ERICH1: variants seen among roughly 807,000 people sequenced by gnomAD.
ERICH1 encodes glutamate-rich protein 1.
A neutral mutation model predicts 39.6 loss-of-function variants in ERICH1; 56 were observed. The observed-to-expected ratio is 1.41, with a 90% CI of 1.14 to 1.77. The LOEUF (loss-of-function observed/expected upper bound fraction) is 1.77. Ranked by LOEUF, ERICH1 falls within the 40% of genes most tolerant of loss-of-function variation. ERICH1 has a pLI of 0.00. For missense variants in ERICH1, 826 were observed against 575.4 expected, an observed-to-expected ratio of 1.44 and a Z score of -4.45; for synonymous variants, 313 against 223.6, an observed-to-expected ratio of 1.40 and a Z score of -3.57.
At chr8:655,836 C>T (rs1302581287) in intron 3 of ERICH1, among the ~76,000 whole-genome samples, 3 of 152,088 alleles carry the variant, frequency 2.0e-5, no homozygotes, top group Non-Finnish European at 2.9e-5. Flanking sequence ...TTTTAACTCA[C>T]GACCACGTTT....
chr8:638,978 A>G (rs2117193804), intron 3 of ERICH1, among the ~76,000 whole-genome samples: 1 of 152,118 alleles, frequency 6.6e-6, no homozygotes, highest in Non-Finnish European at 1.5e-5. Context: ...TACATTTCAC[A>G]ACTGCCCCCC....
Position 648,598 on chromosome 8 carries a change from A to C in ERICH1, c.976+20000T>G, listed in dbSNP as rs182163770. Among the ~76,000 whole-genome samples, 68 of 65,956 alleles carry C rather than the reference A, an allele frequency of 1.0e-3. 30 individuals are homozygous for C. The Middle Eastern group carries it at 0.034, about 33-fold the overall frequency. 43.3% of individuals were successfully genotyped at this position (65,956 alleles called of 152,430 possible). On this transcript the variant is annotated intron_variant, in intron 3 of 3. Coordinates refer to the ERICH1 transcript ENST00000522706. ...AGCCAGGAAGGAGCCCGCTGGTTCT[A>C]CTCTTCACTCCAGCGTGCACTATGT...
intron 3 of ERICH1, among the ~76,000 whole-genome samples, chr8:629,114 G>A (rs1797765492): frequency 6.6e-6 from 1 of 152,156 alleles, no homozygotes; most frequent in African/African-American, 2.4e-5. Flanking sequence ...GCTCCTTTCT[G>A]TGAGCCCAGT....
intron 3 of ERICH1, among the ~76,000 whole-genome samples, chr8:624,250 G>A (rs1475790444): frequency 2.0e-5 from 3 of 152,198 alleles, no homozygotes; most frequent in African/African-American, 4.8e-5. Context: ...TGTAAAGATT[G>A]GAGAGGATGT....
chr8:650,144 G>C (rs1452700929), intron 3 of ERICH1, among the ~76,000 whole-genome samples: 1 of 152,228 alleles, frequency 6.6e-6, no homozygotes, highest in Non-Finnish European at 1.5e-5. Flanking sequence ...GCAGAGCTGA[G>C]GGCGCTTGCG....
At chr8:686,961 C>G (rs1371603644) in intron 3 of ERICH1, among the ~76,000 whole-genome samples, 1 of 152,168 alleles carries the variant, frequency 6.6e-6, no homozygotes, top group Admixed American at 6.5e-5. Context: ...GCAGCCCCAT[C>G]ACCCACCCAC....
At chr8:718,832 G>C (rs1054635411) in intron 1 of ERICH1, among the ~76,000 whole-genome samples, 1 of 152,228 alleles carries the variant, frequency 6.6e-6, no homozygotes, top group South Asian at 2.1e-4. Flanking sequence ...CTGCACGCCT[G>C]CTCAGGTGCC....
At chr8:697,486 G>A (rs10093766) in intron 2 of ERICH1, among the ~76,000 whole-genome samples, 33,900 of 152,070 alleles carry the variant, frequency 0.22, 4,084 homozygotes, top group East Asian at 0.42. Flanking sequence ...AAGAAGCTTG[G>A]CTCAGACTCC....
intron 2 of ERICH1, among the ~76,000 whole-genome samples, chr8:703,263 C>A (rs563151163): frequency 6.6e-6 from 1 of 152,180 alleles, no homozygotes; most frequent in African/African-American, 2.4e-5. Flanking sequence ...CAAGTGCACA[C>A]ACCCCATCCT....
chr8:698,865 G>A (rs1042109142), intron 2 of ERICH1, among the ~76,000 whole-genome samples: 17 of 151,186 alleles, frequency 1.1e-4, no homozygotes, highest in African/African-American at 3.9e-4. Context: ...CAGGTAGGAT[G>A]CCACGAAGTA....
chr8:687,709 G>A (rs1225026551), intron 3 of ERICH1, among the ~76,000 whole-genome samples: 1 of 152,182 alleles, frequency 6.6e-6, no homozygotes, highest in East Asian at 1.9e-4. Flanking sequence ...GCTGAAGTCG[G>A]CAGAACTGCG....
chr8:707,989 C>G (rs1273363993), intron 2 of ERICH1, among the ~76,000 whole-genome samples: 1 of 152,102 alleles, frequency 6.6e-6, no homozygotes, highest in Non-Finnish European at 1.5e-5. Context: ...AGGACGTAAG[C>G]AGATATTTCT....
rs1585116657 is a variant in ERICH1, at chr8:664,211, G to C, written c.*392C>G. 1 of 987,800 alleles carries C rather than the reference G, an allele frequency of 1.0e-6. No individual in the cohort carries two copies. Among genetic ancestry groups the C allele is most frequent in the Non-Finnish European group, 1.2e-6 (1 of 831,018 alleles). The allele number at this position is 987,800 out of a possible 1,614,324, so 61.2% of individuals were successfully genotyped here. On this transcript the variant is annotated 3_prime_UTR_variant, in exon 6 of 6. Coordinates refer to ENST00000262109, the MANE Select transcript of ERICH1 (RefSeq NM_207332.3). ...AACTATATTCAAACTACTTAAACTA[G>C]AACATTTTAATACCCAGAAAGCATT...
chr8:718,183 C>G (rs1300796353), intron 1 of ERICH1, among the ~76,000 whole-genome samples: 1 of 151,916 alleles, frequency 6.6e-6, no homozygotes. Flanking sequence ...CACAACACAC[C>G]AGGGTACAGA....
At chr8:683,100 G>A (rs564334308) in intron 3 of ERICH1, among the ~76,000 whole-genome samples, 78 of 152,258 alleles carry the variant, frequency 5.1e-4, no homozygotes, top group African/African-American at 1.8e-3. Context: ...GGAAACACTG[G>A]AGTCTCACAG....
chr8:644,726 C>G (rs1276665194), intron 3 of ERICH1, among the ~76,000 whole-genome samples: 1 of 67,912 alleles, frequency 1.5e-5, no homozygotes, highest in South Asian at 5.7e-4. Flanking sequence ...CCAGCCTGAC[C>G]CGTTCTATGA....
intron 4 of ERICH1, chr8:669,050 T>C: frequency 2.0e-6 from 1 of 488,660 alleles, no homozygotes; most frequent in Non-Finnish European, 3.6e-6. Context: ...TACACCTCTG[T>C]CTGGTGAGAC....
rs1563156830 is a variant in ERICH1, at chr8:616,922, GAA to G, written c.977-1640_977-1639del. Among the ~76,000 whole-genome samples the G allele has an allele frequency of 1.4e-3, 45 of 32,388 alleles. 6 individuals carry two copies. The East Asian group carries it at 0.21, about 148-fold the overall frequency. The allele number at this position is 32,388 out of a possible 152,430, so 21.2% of individuals were successfully genotyped here. ...ACACACAGAGAGAGAGAGAGAGACAGAAAGAGACAGAGAGAGAGAGGGAGAGG... is the reference window on the plus strand; with the variant it reads ...ACACACAGAGAGAGAGAGAGAGACAGAGAGACAGAGAGAGAGAGGGAGAGG... On this transcript the variant is annotated intron_variant, in intron 3 of 3. Transcript: ENST00000522706.
chr8:660,095 C>G (rs909216739), downstream of ERICH1, among the ~76,000 whole-genome samples: 1 of 152,050 alleles, frequency 6.6e-6, no homozygotes, highest in Non-Finnish European at 1.5e-5. Flanking sequence ...GCTGAGCTCC[C>G]GAAGGCAGGG....
Sources: gnomAD v4.1 joint callset for allele counts (sites outside exome capture counted in the v4.1 genomes callset) on GRCh38, gnomAD v4.1.1 for gene constraint, MANE v1.5 for transcripts, NCBI Gene and HGNC (gene_info 2026-07-23, HGNC 2026-07-21) for gene names.